The following CACNA1I variants were observed in gnomAD, a reference collection of about 807,000 sequenced individuals.
CACNA1I encodes the protein voltage-dependent T-type calcium channel subunit alpha-1I.
CACNA1I carries 74 observed loss-of-function variants against 201.6 expected under a neutral mutation model. The ratio of observed to expected loss-of-function variants is 0.37; its 90% CI spans 0.30 to 0.45. The LOEUF (loss-of-function observed/expected upper bound fraction) is 0.45, where lower values mean the gene tolerates loss of function less well. Among genes scored for constraint, CACNA1I ranks in the 20% least tolerant of loss-of-function variants. The probability of loss-of-function intolerance (pLI) is 1.00; values close to 1 mark genes in which losing one functional copy is unlikely to be tolerated. For missense variants in CACNA1I, 2,346 were observed against 3,138.1 expected, an observed-to-expected ratio of 0.75 and a Z score of 6.03; for synonymous variants, 1,431 against 1,345.2, an observed-to-expected ratio of 1.06 and a Z score of -1.40.
Position 39,679,769 on chromosome 22 carries a change from G to A in CACNA1I, c.5442G>A (p.Leu1814=). The part of the protein sequence containing the change: ...DSVSLIIKDS[L]EGELTIIDNL... ...TCTCTTTAATCATCAAGGACTCCTTGGAGGGGGAGCTGACCATCATCGACA... is the reference window on the plus strand; with the variant it reads ...TCTCTTTAATCATCAAGGACTCCTTAGAGGGGGAGCTGACCATCATCGACA... Residue 1814 remains leucine, a synonymous_variant, in exon 33 of 37, where the codon TTG becomes TTA. Coordinates refer to ENST00000402142, the MANE Select transcript of CACNA1I (RefSeq NM_021096.4). 6.2e-7 allele frequency: 1 copy of A among 1,613,076 alleles called. No individual in the cohort carries two copies. The highest frequency in any genetic ancestry group is 8.5e-7 in the Non-Finnish European group (1 of 1,179,628).
intron 20 of CACNA1I, 48 bp from the exon 21 acceptor site, chr22:39,664,691 G>T (rs1342997930): frequency 1.1e-3 from 530 of 465,228 alleles, no homozygotes; most frequent in Admixed American, 7.8e-3. Flanking sequence ...CCGCCCACCT[G>T]CCCGCCCCTC....
At chr22:39,605,564 G>C (rs1933197240) in intron 3 of CACNA1I, among the ~76,000 whole-genome samples, 2 of 152,228 alleles carry the variant, frequency 1.3e-5, no homozygotes, top group Admixed American at 6.5e-5. Flanking sequence ...GCATGAAGAT[G>C]AACAAGACAG....
Position 39,673,970 on chromosome 22 carries a change from G to A in CACNA1I, c.4791G>A (p.Lys1597=), listed in dbSNP as rs937288252. 1 of 1,613,092 alleles carries A rather than the reference G, an allele frequency of 6.2e-7. No individual in the cohort carries two copies. Among genetic ancestry groups the A allele is most frequent in the Non-Finnish European group, 8.5e-7 (1 of 1,179,864 alleles). The change falls in exon 29 of 37, where the codon AAG becomes AAA. Residue 1597 remains lysine (K), a synonymous_variant. Transcript: ENST00000402142. ...MRVLRIARVL[K]LLKMATGMRA... ...GCTGGGTCTCGCCCGCAGTGCTGAA[G>A]CTGTTGAAGATGGCCACAGGAATGC...
intron 3 of CACNA1I, among the ~76,000 whole-genome samples, chr22:39,611,050 G>A (rs139308666): frequency 1.2e-3 from 182 of 152,282 alleles, no homozygotes; most frequent in African/African-American, 4.1e-3. Context: ...GGGTGGGGAG[G>A]CTGGTCAGGG....
rs141679817 is a variant in CACNA1I at position 39,604,837 on chromosome 22, T to C, written c.482+4184T>C. 1.8e-3 allele frequency among the ~76,000 whole-genome samples: 273 copies of C among 152,076 alleles called. 6 individuals are homozygous for C. The highest frequency in any genetic ancestry group is 0.017 in the East Asian group (86 of 5,176). ...AAGTGATCCTCCCACCTTGGCCTCT[T>C]GAAGCGCTGGGATACAGGTGTGAGC... is the stretch of plus-strand genomic sequence containing the variant. On this transcript the variant is annotated intron_variant, in intron 3 of 36. Coordinates refer to ENST00000402142, the MANE Select transcript of CACNA1I (RefSeq NM_021096.4).
At chr22:39,585,924 T>C (rs1932737866) in intron 1 of CACNA1I, among the ~76,000 whole-genome samples, 1 of 151,662 alleles carries the variant, frequency 6.6e-6, no homozygotes, top group Non-Finnish European at 1.5e-5. Context: ...CTCACGCCTG[T>C]AATCCCAGCA....
At position 39,664,967 on chromosome 22, in the gene CACNA1I, G is replaced by C. The variant is rs768968044; in HGVS notation, c.3851+44G>C. On this transcript the variant is annotated intron_variant, in intron 21 of 36. Transcript: ENST00000402142. ...CGGATGGGGGAAAGTGTCATGCACT[G>C]TACCGAGAAGCCACGGGTCGAATTG... 5.1e-6 allele frequency: 8 copies of C among 1,576,054 alleles called. 1 individual carries two copies. Among genetic ancestry groups the C allele is most frequent in the Middle Eastern group, 1.8e-4 (1 of 5,440 alleles).
At chr22:39,596,145 TGGGGGAGCAGGGTGGAGAGAGATGGGG>T (rs1932882526) in intron 1 of CACNA1I, among the ~76,000 whole-genome samples, 2 of 61,650 alleles carry the variant, frequency 3.2e-5, no homozygotes, top group Non-Finnish European at 6.1e-5. Context: ...CGGAGAGAGA[TGGGGGAGCAGGGTGGAGAGAGATGGGG>T]GGGCAGGGCG....
Position 39,649,499 on chromosome 22 carries a change from A to T in CACNA1I, c.1568-2A>T. 1 of 1,562,106 alleles carries T rather than the reference A, an allele frequency of 6.4e-7. No individual in the cohort carries two copies. Among genetic ancestry groups the T allele is most frequent in the Non-Finnish European group, 8.7e-7 (1 of 1,153,800 alleles). ...TCTATGCCCCTCTCATTTGCTTTTCAGAGCTGTGCCCGCAACATAGCCCCC... is the reference window on the plus strand; with the variant it reads ...TCTATGCCCCTCTCATTTGCTTTTCTGAGCTGTGCCCGCAACATAGCCCCC... On this transcript the variant is annotated splice_acceptor_variant, in intron 9 of 36. Coordinates refer to ENST00000402142, the MANE Select transcript of CACNA1I (RefSeq NM_021096.4). LOFTEE classifies it high-confidence loss of function. The surrounding 1 kb of genome is among the most constrained non-coding windows in gnomAD (Gnocchi z 7.3).
chr22:39,662,160 C>A lies in CACNA1I; in HGVS notation c.3097C>A (p.His1033Asn), dbSNP rs1419088343. ...GGGGCCGCCGCGGGCCGCACCCCTG[C>A]ACACCCCACACGCCCACCACATTCA... is the stretch of plus-strand genomic sequence containing the variant. ...DEGPPRAAPLHTPHAHHIHHG... is the reference protein window; with the variant it reads ...DEGPPRAAPLNTPHAHHIHHG... The change falls in exon 17 of 37, where the codon CAC (histidine) becomes AAC (asparagine). Residue 1033 changes from histidine (H) to asparagine (N), a missense_variant. By Grantham distance (68) the His-to-Asn change is moderately conservative. This residue lies in a region of CACNA1I where 288 missense variants were observed against 255.2 expected (regional missense o/e 1.13). Coordinates refer to ENST00000402142, the MANE Select transcript of CACNA1I (RefSeq NM_021096.4). 3.3e-6 allele frequency: 5 copies of A among 1,531,786 alleles called. No individual in the cohort carries two copies. Among genetic ancestry groups the A allele is most frequent in the Non-Finnish European group, 3.5e-6 (4 of 1,142,322 alleles). 94.9% of individuals were successfully genotyped at this position (1,531,786 alleles called of 1,614,324 possible).
chr22:39,679,634 C>A, intron 32 of CACNA1I, 88 bp from the exon 33 acceptor site: 3 of 1,320,158 alleles, frequency 2.3e-6, no homozygotes, highest in South Asian at 1.4e-5. Flanking sequence ...GAGAACCAAC[C>A]GGGAGGGCAG....
chr22:39,659,598 G>A lies in CACNA1I; in HGVS notation c.2448+48G>A. The A allele has an allele frequency of 1.3e-6, 2 of 1,598,798 alleles. No individual in the cohort carries two copies. Among genetic ancestry groups the A allele is most frequent in the Non-Finnish European group, 1.7e-6 (2 of 1,166,356 alleles). Reference sequence around the variant, plus strand: ...TGTTTGCTGGGGAAGCGATGGGACAGTAGGCCTGGGAGGGGCGGGGCTGAC... The same window carrying A: ...TGTTTGCTGGGGAAGCGATGGGACAATAGGCCTGGGAGGGGCGGGGCTGAC... On this transcript the variant is annotated intron_variant, in intron 13 of 36. Coordinates refer to ENST00000402142, the MANE Select transcript of CACNA1I (RefSeq NM_021096.4). This position sits in a 1 kb window ranked among gnomAD's most constrained non-coding sequence, Gnocchi z 4.3.
rs1337005332 is a variant in CACNA1I at position 39,666,204 on chromosome 22, G to A, written c.4104+198G>A. Among the ~76,000 whole-genome samples, 1 of 152,208 alleles carries A rather than the reference G, an allele frequency of 6.6e-6. No homozygotes were observed. The highest frequency in any genetic ancestry group is 6.5e-5 in the Admixed American group (1 of 15,288). On this transcript the variant is annotated intron_variant, in intron 23 of 36. Transcript: ENST00000402142. The surrounding 1 kb of genome is among the most constrained non-coding windows in gnomAD (Gnocchi z 4.1). The stretch of plus-strand genomic sequence containing the variant: ...GTGGGATGAGGCTTAGAGAGTCTGT[G>A]TGCAGAGTGCCCAGCAAATGCCTGC...
Position 39,659,730 on chromosome 22 carries a change from T to C in CACNA1I, c.2482T>C (p.Tyr828His), listed in dbSNP as rs1877401277. Reference sequence around the variant, plus strand: ...CCAGGAGGACTGGAACGTCGTTCTCTACAATGGCATGGCCTCCACTTCTCC... The same window carrying C: ...CCAGGAGGACTGGAACGTCGTTCTCCACAATGGCATGGCCTCCACTTCTCC... ...LTQEDWNVVL[Y>H]NGMASTSPWA... Residue 828 changes from tyrosine to histidine, a missense_variant, in exon 14 of 37, where the codon TAC (tyrosine) becomes CAC (histidine). Tyr to His is a moderately conservative substitution (Grantham distance 83). Transcript: ENST00000402142. The surrounding 1 kb of genome is among the most constrained non-coding windows in gnomAD (Gnocchi z 4.3). 1 of 1,613,834 alleles carries C rather than the reference T, an allele frequency of 6.2e-7. No individual in the cohort carries two copies. Among genetic ancestry groups the C allele is most frequent in the South Asian group, 1.1e-5 (1 of 91,088 alleles).
At chr22:39,620,178 T>TCCAC (rs1933697738) in intron 4 of CACNA1I, among the ~76,000 whole-genome samples, 1 of 127,054 alleles carries the variant, frequency 7.9e-6, no homozygotes, top group Non-Finnish European at 1.6e-5. Flanking sequence ...CATCCATCCA[T>TCCAC]CCACTCATCC....
At chr22:39,650,123 G>A (rs960326831) in intron 10 of CACNA1I, among the ~76,000 whole-genome samples, 198 bp downstream of exon 10, 1 of 151,962 alleles carries the variant, frequency 6.6e-6, no homozygotes, top group Admixed American at 6.6e-5. Flanking sequence ...GAAGGGCTTG[G>A]GTGTCTGCCG....
chr22:39,577,066 C>T (rs1477809186), intron 1 of CACNA1I, among the ~76,000 whole-genome samples: 1 of 152,192 alleles, frequency 6.6e-6, no homozygotes, highest in East Asian at 1.9e-4. Flanking sequence ...ATTCTCCTGC[C>T]TCAGCCTCCT....
At position 39,571,000 on chromosome 22, in the gene CACNA1I, A is replaced by G. The variant is rs1932164140; in HGVS notation, c.236+12A>G. On this transcript the variant is annotated intron_variant, in intron 1 of 36. Transcript: ENST00000402142. ...ATGGTGTGCAACCCATATCCTCCGC[A>G]GCCTCGGCTGATCGGGGCCCTGCAG... 1 of 1,608,690 alleles carries G rather than the reference A, an allele frequency of 6.2e-7. No homozygotes were observed. Among genetic ancestry groups the G allele is most frequent in the Non-Finnish European group, 8.5e-7 (1 of 1,175,394 alleles).
chr22:39,585,699 TA>T (rs577223485), intron 1 of CACNA1I, among the ~76,000 whole-genome samples: 4,368 of 90,438 alleles, frequency 0.048, 184 homozygotes, highest in African/African-American at 0.13. Flanking sequence ...GCTGTAAACT[TA>T]AAAAAAAAAA....
Sources: allele counts gnomAD v4.1 joint callset (sites outside exome capture counted in the v4.1 genomes callset), GRCh38; gene constraint gnomAD v4.1.1; regional missense constraint gnomAD v4.1.1; non-coding constraint Gnocchi (gnomAD v3.1); transcripts MANE v1.5; gene names NCBI Gene and HGNC (gene_info 2026-07-23, HGNC 2026-07-21).